The following SSH2 variants were observed in gnomAD, a reference collection of about 807,000 sequenced individuals.
The protein encoded by SSH2 is protein phosphatase Slingshot homolog 2.
Under a neutral mutation model 135.2 loss-of-function variants are expected in SSH2, and 37 were observed. The ratio of observed to expected loss-of-function variants is 0.27; its 90% CI spans 0.21 to 0.36. The LOEUF is 0.36. Ranked by LOEUF, SSH2 falls within the 10% of genes least tolerant of loss-of-function variation. SSH2 has a pLI of 1.00. For missense variants in SSH2, 1,408 were observed against 1,765.3 expected, an observed-to-expected ratio of 0.80 and a Z score of 3.63; for synonymous variants, 628 against 646.2, an observed-to-expected ratio of 0.97 and a Z score of 0.43.
At chr17:29,812,748 G>C (rs1198572147) in intron 2 of SSH2, among the ~76,000 whole-genome samples, 1 of 151,996 alleles carries the variant, frequency 6.6e-6, no homozygotes, top group African/African-American at 2.4e-5. Flanking sequence ...AATTTAGCTG[G>C]GCATGGTGGC....
At chr17:29,664,590 C>A (rs1598749286) in intron 11 of SSH2, among the ~76,000 whole-genome samples, 1 of 152,040 alleles carries the variant, frequency 6.6e-6, no homozygotes, top group Non-Finnish European at 1.5e-5. Flanking sequence ...AACTCCCAGG[C>A]TCAGGTGATT....
At chr17:29,869,648 G>A (rs1326531702) in intron 1 of SSH2, among the ~76,000 whole-genome samples, 2 of 152,136 alleles carry the variant, frequency 1.3e-5, no homozygotes, top group Non-Finnish European at 2.9e-5. Context: ...CCCTGCCCAG[G>A]GCAAGAGATT....
chr17:29,867,417 C>CA (rs1419745189), intron 1 of SSH2, among the ~76,000 whole-genome samples: 1 of 151,770 alleles, frequency 6.6e-6, no homozygotes, highest in African/African-American at 2.4e-5. Flanking sequence ...AAACACTTAA[C>CA]AAAAAAAATC....
At chr17:29,634,695 GGT>G (rs2035823147) in intron 15 of SSH2, among the ~76,000 whole-genome samples, 1 of 152,138 alleles carries the variant, frequency 6.6e-6, no homozygotes, top group African/African-American at 2.4e-5. Flanking sequence ...TGGGACTACA[GGT>G]GCGCGCCACC....
chr17:29,636,239 C>A lies in SSH2; in HGVS notation c.1991G>T (p.Ser664Ile). 1 of 1,614,040 alleles carries A rather than the reference C, an allele frequency of 6.2e-7. No individual in the cohort carries two copies. The highest frequency in any genetic ancestry group is 1.1e-5 in the South Asian group (1 of 91,082). The change falls in exon 15 of 16, where the codon AGT becomes ATT. Residue 664 changes from serine (S) to isoleucine (I), a missense_variant. By Grantham distance (142) the Ser-to-Ile change is moderately radical. This residue lies in a region of SSH2 where 1,080 missense variants were observed against 1,144.5 expected (regional missense o/e 0.94). Transcript: ENST00000540801. ...PDPESPSPQP[S>I]CQTEISDFST... Reference sequence around the variant, plus strand: ...GAAATCTGAGATTTCAGTCTGGCAACTGGGTTGGGGGCTTGGTGACTCAGG... The same window carrying A: ...GAAATCTGAGATTTCAGTCTGGCAAATGGGTTGGGGGCTTGGTGACTCAGG...
chr17:29,732,102 T>C (rs1257921217), intron 3 of SSH2, among the ~76,000 whole-genome samples: 4 of 152,224 alleles, frequency 2.6e-5, no homozygotes, highest in African/African-American at 9.6e-5. Context: ...GCATTGGTTA[T>C]ATTACTGATT....
At chr17:29,832,464 G>A (rs1296823441) in intron 2 of SSH2, among the ~76,000 whole-genome samples, 3 of 152,030 alleles carry the variant, frequency 2.0e-5, no homozygotes, top group Non-Finnish European at 4.4e-5. Flanking sequence ...ATGAATGATG[G>A]CTATAAAATT....
intron 14 of SSH2, among the ~76,000 whole-genome samples, chr17:29,637,925 C>A (rs949527963): frequency 1.1e-4 from 16 of 152,000 alleles, no homozygotes; most frequent in Non-Finnish European, 2.1e-4. Flanking sequence ...ACCAGCCTGG[C>A]CAACATGGTG....
At chr17:29,835,891 G>A (rs1251280079) in intron 2 of SSH2, among the ~76,000 whole-genome samples, 2 of 151,132 alleles carry the variant, frequency 1.3e-5, no homozygotes, top group African/African-American at 2.4e-5. Flanking sequence ...CCCAGGAGGC[G>A]GGGCTTGCAG....
chr17:29,730,650 G>A (rs1272787382), intron 3 of SSH2, among the ~76,000 whole-genome samples: 1 of 151,868 alleles, frequency 6.6e-6, no homozygotes, highest in Admixed American at 6.6e-5. Flanking sequence ...TGTTGCCCAG[G>A]CTGGTCTCGA....
At chr17:29,737,919 T>TCTTATTTA (rs2040422548) in intron 3 of SSH2, among the ~76,000 whole-genome samples, 1 of 98,996 alleles carries the variant, frequency 1.0e-5, no homozygotes. Context: ...TGAGAAAGTC[T>TCTTATTTA]CTTATTTATT....
chr17:29,644,236 T>C (rs1287027259), intron 14 of SSH2, among the ~76,000 whole-genome samples: 2 of 152,166 alleles, frequency 1.3e-5, no homozygotes, highest in Admixed American at 1.3e-4. Context: ...GGTTTGGCTA[T>C]TGGGGAGTTC....
At chr17:29,866,442 C>T (rs1380700819) in intron 1 of SSH2, among the ~76,000 whole-genome samples, 2 of 152,140 alleles carry the variant, frequency 1.3e-5, no homozygotes, top group Non-Finnish European at 2.9e-5. Flanking sequence ...AAAATGCACA[C>T]CAAGTTAGGT....
intron 3 of SSH2, among the ~76,000 whole-genome samples, chr17:29,715,395 G>A (rs1335607661): frequency 6.6e-6 from 1 of 151,734 alleles, no homozygotes; most frequent in African/African-American, 2.4e-5. Context: ...ACAGGTGCCC[G>A]CCACCACGCC....
intron 3 of SSH2, among the ~76,000 whole-genome samples, chr17:29,735,743 A>G (rs2040343018): frequency 6.6e-6 from 1 of 150,648 alleles, no homozygotes; most frequent in Admixed American, 6.6e-5. Context: ...AGCACACATC[A>G]GGTAAATCCT....
chr17:29,781,999 C>A (rs977414577), intron 3 of SSH2, among the ~76,000 whole-genome samples: 1 of 151,968 alleles, frequency 6.6e-6, no homozygotes, highest in Non-Finnish European at 1.5e-5. Flanking sequence ...GTGTGCGCCA[C>A]CATGCCTGGC....
Position 29,632,192 on chromosome 17 carries a change from G to A in SSH2, c.3002C>T (p.Ser1001Leu), listed in dbSNP as rs757640044. ...HLPDPQEGPG[S>L]DTGTQQEGVL... The stretch of plus-strand genomic sequence containing the variant: ...TCCTTCCTGCTGTGTTCCAGTATCT[G>A]ACCCTGGGCCCTCCTGAGGATCTGG... The change falls in exon 16 of 16, where the codon TCA becomes TTA. Residue 1001 changes from serine to leucine, a missense_variant. This residue lies in a region of SSH2 where 1,080 missense variants were observed against 1,144.5 expected (regional missense o/e 0.94). Coordinates refer to ENST00000540801, the MANE Select transcript of SSH2 (RefSeq NM_001282129.2). 17 of 1,613,866 alleles carry A rather than the reference G, an allele frequency of 1.1e-5. No homozygotes were observed. In the South Asian group the frequency reaches 1.9e-4, roughly 18 times the overall value.
At chr17:29,816,276 T>C (rs1175852615) in intron 2 of SSH2, among the ~76,000 whole-genome samples, 1 of 152,202 alleles carries the variant, frequency 6.6e-6, no homozygotes, top group Non-Finnish European at 1.5e-5. Context: ...TAACGGGAAG[T>C]AATATTTTTA....
intron 3 of SSH2, among the ~76,000 whole-genome samples, chr17:29,749,184 C>G (rs1409684075): frequency 6.6e-6 from 1 of 152,144 alleles, no homozygotes; most frequent in Admixed American, 6.5e-5. Context: ...ACATAAGAAG[C>G]CTTCTTTTCA....
Sources: gnomAD v4.1 joint callset for allele counts (sites outside exome capture counted in the v4.1 genomes callset) on GRCh38, gnomAD v4.1.1 for gene constraint, gnomAD v4.1.1 regional missense constraint, MANE v1.5 for transcripts, NCBI Gene and HGNC (gene_info 2026-07-23, HGNC 2026-07-21) for gene names.